The following GLIS1 variants were observed in gnomAD, a reference collection of about 807,000 sequenced individuals.
The protein encoded by GLIS1 is zinc finger protein GLIS1.
GLIS1 carries 24 observed loss-of-function variants against 63.8 expected under a neutral mutation model. The observed-to-expected ratio is 0.38, with a 90% CI of 0.27 to 0.53. GLIS1 has a LOEUF of 0.53. GLIS1 is among the 20% of genes least tolerant of loss of function. The probability of loss-of-function intolerance (pLI) is 0.85; values close to 1 mark genes in which losing one functional copy is unlikely to be tolerated. For missense variants in GLIS1, 1,036 were observed against 1,074.1 expected (o/e 0.96, Z 0.50); for synonymous variants, 450 against 482.5 (o/e 0.93, Z 0.88).
At chr1:53,568,550 TG>T (rs1320863210) in intron 4 of GLIS1, among the ~76,000 whole-genome samples, 4 of 152,172 alleles carry the variant, frequency 2.6e-5, no homozygotes, top group South Asian at 2.1e-4. Flanking sequence ...TGGAATGATA[TG>T]GTTTGGCTCT....
chr1:53,682,274 C>T (rs943289130), intron 2 of GLIS1, among the ~76,000 whole-genome samples: 1 of 152,244 alleles, frequency 6.6e-6, no homozygotes, highest in African/African-American at 2.4e-5. Context: ...CAAGCAGCCG[C>T]TGACACAGCT....
At position 53,594,970 on chromosome 1, in the gene GLIS1, G is replaced by T; in HGVS notation, c.458C>A (p.Thr153Lys). The T allele has an allele frequency of 1.4e-6, 2 of 1,442,136 alleles. No homozygotes were observed. Among genetic ancestry groups the T allele is most frequent in the Non-Finnish European group, 1.8e-6 (2 of 1,103,590 alleles). 89.3% of individuals were successfully genotyped at this position (1,442,136 alleles called of 1,614,324 possible). ...HPDRSPRPQA[T>K]YVNGSLPTTQ... ...GGTTGGGAGGCTGCCGTTCACATAC[G>T]TGGCCTGGGGTCTAGGTGACCTGGA... is the stretch of plus-strand genomic sequence containing the variant. Residue 153 changes from threonine (T) to lysine (K), a missense_variant, in exon 4 of 11, where the codon ACG (threonine) becomes AAG (lysine). By Grantham distance (78) the Thr-to-Lys change is moderately conservative (BLOSUM62 -1). Around this residue, in one of 3 missense-constraint regions of GLIS1, gnomAD observed 592 missense variants for 593.9 expected, o/e 1.00. Coordinates refer to ENST00000628545, the MANE Select transcript of GLIS1 (RefSeq NM_001367484.1).
intron 4 of GLIS1, among the ~76,000 whole-genome samples, chr1:53,543,282 C>T (rs973056425): frequency 2.0e-5 from 3 of 151,426 alleles, no homozygotes; most frequent in East Asian, 3.9e-4. Flanking sequence ...ACGGGAAAAG[C>T]GAGGAAAACT....
At chr1:53,628,036 G>A (rs1178640465) in intron 2 of GLIS1, among the ~76,000 whole-genome samples, 2 of 152,206 alleles carry the variant, frequency 1.3e-5, no homozygotes, top group Non-Finnish European at 2.9e-5. Context: ...GAACCTGGGG[G>A]AGAGGGAGAG....
intron 2 of GLIS1, among the ~76,000 whole-genome samples, chr1:53,661,701 G>A (rs1318046947): frequency 6.6e-6 from 1 of 152,158 alleles, no homozygotes; most frequent in South Asian, 2.1e-4. Flanking sequence ...TCCTCCCCAC[G>A]GCTCCCTGTG....
At chr1:53,506,895 G>C in intron 10 of GLIS1, 119 bp from the exon 11 acceptor site, 3 of 1,050,684 alleles carry the variant, frequency 2.9e-6, no homozygotes, top group Non-Finnish European at 4.0e-6. Context: ...TGTCCCGTCG[G>C]TGGGGCCTGC....
chr1:53,595,034 C>A, intron 3 of GLIS1, 44 bp from the exon 4 acceptor site: 1 of 1,386,360 alleles, frequency 7.2e-7, no homozygotes, highest in South Asian at 1.7e-5. Flanking sequence ...CTGGGCTCGC[C>A]ACAGAGGGAA....
At chr1:53,731,073 A>G (rs1262542930) in intron 2 of GLIS1, among the ~76,000 whole-genome samples, 1 of 152,186 alleles carries the variant, frequency 6.6e-6, no homozygotes, top group African/African-American at 2.4e-5. Flanking sequence ...CATAGAGGGG[A>G]GACTACGACC....
At chr1:53,517,551 C>G (rs1644364872) in intron 7 of GLIS1, among the ~76,000 whole-genome samples, 1 of 152,164 alleles carries the variant, frequency 6.6e-6, no homozygotes, top group Admixed American at 6.5e-5. Flanking sequence ...CTTCCTCAGC[C>G]ACGCTGACCT....
intron 4 of GLIS1, among the ~76,000 whole-genome samples, chr1:53,545,919 G>C (rs193051445): frequency 4.9e-4 from 75 of 152,332 alleles, no homozygotes; most frequent in African/African-American, 1.8e-3. Context: ...TGTCCTACGT[G>C]ACATGAGCAA....
At chr1:53,547,205 G>C (rs975444212) in intron 4 of GLIS1, among the ~76,000 whole-genome samples, 2 of 152,256 alleles carry the variant, frequency 1.3e-5, no homozygotes, top group Admixed American at 6.5e-5. Flanking sequence ...GGAAGACTGG[G>C]GCTGGGTAAG....
intron 4 of GLIS1, among the ~76,000 whole-genome samples, chr1:53,552,149 A>G (rs538082399): frequency 6.6e-6 from 1 of 151,928 alleles, no homozygotes; most frequent in South Asian, 2.1e-4. Context: ...CCACACACAC[A>G]CTGACTGTCA....
At chr1:53,628,755 A>G (rs1645622236) in intron 2 of GLIS1, among the ~76,000 whole-genome samples, 1 of 152,166 alleles carries the variant, frequency 6.6e-6, no homozygotes, top group Admixed American at 6.5e-5. Flanking sequence ...CAAATGTGAT[A>G]CAAAACCACA....
chr1:53,559,736 T>C (rs1644867860), intron 4 of GLIS1, among the ~76,000 whole-genome samples: 1 of 152,166 alleles, frequency 6.6e-6, no homozygotes, highest in Admixed American at 6.5e-5. Context: ...CCACCCGCCA[T>C]GCACGGGAGG....
intron 2 of GLIS1, among the ~76,000 whole-genome samples, chr1:53,670,124 C>T (rs1007235565): frequency 6.6e-6 from 1 of 152,184 alleles, no homozygotes; most frequent in African/African-American, 2.4e-5. Flanking sequence ...TGGACTGGAC[C>T]ACTCTCTGGA....
intron 2 of GLIS1, among the ~76,000 whole-genome samples, chr1:53,679,275 G>A (rs560492294): frequency 6.6e-6 from 1 of 152,176 alleles, no homozygotes; most frequent in Non-Finnish European, 1.5e-5. Flanking sequence ...TGTGGGAGCT[G>A]GGCCTGCAAT....
intron 2 of GLIS1, among the ~76,000 whole-genome samples, chr1:53,735,216 A>G (rs965296647): frequency 1.3e-5 from 2 of 152,198 alleles, no homozygotes; most frequent in Non-Finnish European, 2.9e-5. Flanking sequence ...CCTGGCTAGC[A>G]CACCACAGTT....
intron 2 of GLIS1, among the ~76,000 whole-genome samples, chr1:53,641,214 G>A (rs770929134): frequency 1.3e-5 from 2 of 152,302 alleles, no homozygotes; most frequent in Middle Eastern, 3.4e-3. Flanking sequence ...TCATCCTCCA[G>A]CTGAGTACCT....
intron 6 of GLIS1, among the ~76,000 whole-genome samples, chr1:53,521,998 C>T (rs530951570): frequency 1.3e-5 from 2 of 152,372 alleles, no homozygotes; most frequent in Admixed American, 1.3e-4. Context: ...GAGGGCTTTT[C>T]TGCCCTCCTA....
Sources: gnomAD v4.1 joint callset for allele counts (sites outside exome capture counted in the v4.1 genomes callset) on GRCh38, gnomAD v4.1.1 for gene constraint, gnomAD v4.1.1 regional missense constraint, MANE v1.5 for transcripts, NCBI Gene and HGNC (gene_info 2026-07-23, HGNC 2026-07-21) for gene names.